ZBTB7C: variants seen among roughly 807,000 people sequenced by gnomAD.
ZBTB7C encodes zinc finger and BTB domain-containing protein 7C.
ZBTB7C carries 8 observed loss-of-function variants against 25.7 expected under a neutral mutation model. That is an observed-to-expected ratio of 0.31 (90% CI 0.18 to 0.56). The LOEUF (loss-of-function observed/expected upper bound fraction) is 0.56, where lower values mean the gene tolerates loss of function less well. Among genes scored for constraint, ZBTB7C ranks in the 20% least tolerant of loss-of-function variants. ZBTB7C has a pLI of 0.91. For missense variants in ZBTB7C, 824 were observed against 855.2 expected (o/e 0.96, Z 0.46); for synonymous variants, 394 against 369.0 (o/e 1.07, Z -0.78).
intron 3 of ZBTB7C, among the ~76,000 whole-genome samples, chr18:48,131,976 C>G (rs1227256732): frequency 6.6e-6 from 1 of 152,198 alleles, no homozygotes; most frequent in African/African-American, 2.4e-5. Context: ...AAAAAACATT[C>G]TGGTAGTTTC....
At chr18:48,228,747 T>TCACACACACACACA (rs55895960) in intron 2 of ZBTB7C, among the ~76,000 whole-genome samples, 4 of 141,066 alleles carry the variant, frequency 2.8e-5, no homozygotes, top group African/African-American at 1.1e-4. Context: ...TCTCTCTCTC[T>TCACACACACACACA]CACACACACA....
rs13381623 is a variant in ZBTB7C at position 48,121,414 on chromosome 18, A to T, written c.-17+64520T>A. Among the ~76,000 whole-genome samples the T allele has an allele frequency of 5.7e-3, 854 of 149,130 alleles. 3 individuals are homozygous for T. Among genetic ancestry groups the T allele is most frequent in the Middle Eastern group, 6.8e-3 (2 of 294 alleles). ...GCTTAATACTCTTTTTTTTTTTTTT[A>T]AAAAAATGCACTTACTGTACCAAAA... On this transcript the variant is annotated intron_variant, in intron 3 of 4. Transcript: ENST00000590800.
intron 3 of ZBTB7C, among the ~76,000 whole-genome samples, chr18:48,179,846 C>CTCCTTCCT (rs564139548): frequency 7.2e-6 from 1 of 139,622 alleles, no homozygotes; most frequent in African/African-American, 2.8e-5. Flanking sequence ...GAAGATATTT[C>CTCCTTCCT]TCCTTCCTTC....
intron 2 of ZBTB7C, among the ~76,000 whole-genome samples, chr18:48,206,196 G>C (rs1009992792): frequency 2.0e-5 from 3 of 152,150 alleles, no homozygotes; most frequent in Admixed American, 1.3e-4. Context: ...AACTTCTACT[G>C]TAAAGCTACA....
intron 1 of ZBTB7C, among the ~76,000 whole-genome samples, chr18:48,402,019 G>A (rs1256385084): frequency 6.6e-6 from 1 of 152,082 alleles, no homozygotes; most frequent in Non-Finnish European, 1.5e-5. Context: ...TGACCTCCAT[G>A]AACTTAACAA....
intron 3 of ZBTB7C, among the ~76,000 whole-genome samples, chr18:48,119,446 T>C (rs1297779015): frequency 6.6e-6 from 1 of 152,230 alleles, no homozygotes. Flanking sequence ...GTTCCACACA[T>C]TCCTTCCCCT....
At chr18:48,338,912 G>GC (rs958189109) in intron 1 of ZBTB7C, among the ~76,000 whole-genome samples, 55 of 49,978 alleles carry the variant, frequency 1.1e-3, no homozygotes, top group Admixed American at 2.4e-4. Context: ...GTAGTTTGTT[G>GC]GGGGGGGGGG....
intron 3 of ZBTB7C, among the ~76,000 whole-genome samples, chr18:48,086,095 A>G (rs1470264816): frequency 1.3e-5 from 2 of 152,198 alleles, no homozygotes; most frequent in African/African-American, 2.4e-5. Context: ...CACCTTCGTC[A>G]TGAAGGACAG....
chr18:48,348,541 G>C (rs2046791992), intron 1 of ZBTB7C, among the ~76,000 whole-genome samples: 1 of 152,222 alleles, frequency 6.6e-6, no homozygotes, highest in Admixed American at 6.5e-5. Flanking sequence ...TCCAGGCCAG[G>C]AGTGGTGGCT....
chr18:48,245,671 T>C (rs1011916686), intron 2 of ZBTB7C, among the ~76,000 whole-genome samples: 36 of 152,120 alleles, frequency 2.4e-4, no homozygotes, highest in Admixed American at 2.3e-3. Flanking sequence ...GGAACAATTT[T>C]AGATTCAGGA....
intron 3 of ZBTB7C, chr18:48,083,805 G>A: frequency 1.0e-6 from 1 of 981,994 alleles, no homozygotes; most frequent in Non-Finnish European, 1.2e-6. Context: ...TTCTGATTAT[G>A]AGGTTATAAA....
chr18:48,381,924 C>T (rs1254833158), intron 1 of ZBTB7C, among the ~76,000 whole-genome samples: 1 of 152,222 alleles, frequency 6.6e-6, no homozygotes, highest in African/African-American at 2.4e-5. Flanking sequence ...TCACATGCCA[C>T]TGACCAAGTG....
rs2042411429 is a variant in ZBTB7C at position 48,200,337 on chromosome 18, C to T, written c.-78-14342G>A. ...TAGTGACCCACACTCCATATTTTGCCTTGGTGAAGGGCCTGTGTGGCCGGT... is the reference window on the plus strand; with the variant it reads ...TAGTGACCCACACTCCATATTTTGCTTTGGTGAAGGGCCTGTGTGGCCGGT... On this transcript the variant is annotated intron_variant, in intron 2 of 4. Transcript: ENST00000590800. Among the ~76,000 whole-genome samples, 9 of 152,104 alleles carry T rather than the reference C, an allele frequency of 5.9e-5. 1 individual carries two copies. The South Asian group carries it at 1.9e-3, about 32-fold the overall frequency.
chr18:48,029,405 C>G lies in ZBTB7C; in HGVS notation c.1715G>C (p.Gly572Ala), dbSNP rs755323250. 1.9e-6 allele frequency: 3 copies of G among 1,570,056 alleles called. No homozygotes were observed. The highest frequency in any genetic ancestry group is 2.3e-5 in the South Asian group (2 of 86,876). Residue 572 changes from glycine to alanine, a missense_variant, in exon 5 of 5, where the codon GGC becomes GCC. Gly to Ala is a moderately conservative substitution (Grantham distance 60, BLOSUM62 0). Transcript: ENST00000590800. ...AQLEAERNAG[G>A]LLAFALAENV... ...CTCGGCCAGCGCGAAGGCCAGGAGG[C>G]CCCCCGCGTTCCTCTCAGCCTCCAG...
At chr18:48,100,082 C>T (rs116138224) in intron 3 of ZBTB7C, among the ~76,000 whole-genome samples, 17 of 152,296 alleles carry the variant, frequency 1.1e-4, no homozygotes, top group Non-Finnish European at 1.2e-4. Context: ...TCTCTGTCAA[C>T]GCCCCCTCTC....
chr18:48,181,457 C>T (rs913353650), intron 3 of ZBTB7C, among the ~76,000 whole-genome samples: 5 of 152,170 alleles, frequency 3.3e-5, no homozygotes, highest in Non-Finnish European at 7.3e-5. Flanking sequence ...CTGGGCTTTG[C>T]ACAAACATTG....
At position 48,112,271 on chromosome 18, in the gene ZBTB7C, T is replaced by C. The variant is rs551881210; in HGVS notation, c.-16-71148A>G. 2.2e-3 allele frequency among the ~76,000 whole-genome samples: 325 copies of C among 150,408 alleles called. 1 individual carries two copies. Among genetic ancestry groups the C allele is most frequent in the African/African-American group, 7.3e-3 (301 of 41,098 alleles). Reference sequence around the variant, plus strand: ...AGTTTAATTTTTTTCTTTTTTTTTTTTTTTTTTGCCTTCTCTCTCTCCCTC... The same window carrying C: ...AGTTTAATTTTTTTCTTTTTTTTTTCTTTTTTTGCCTTCTCTCTCTCCCTC... On this transcript the variant is annotated intron_variant, in intron 3 of 4. Transcript: ENST00000590800.
intron 1 of ZBTB7C, among the ~76,000 whole-genome samples, chr18:48,406,837 A>T (rs1031025150): frequency 8.5e-5 from 13 of 152,258 alleles, no homozygotes; most frequent in African/African-American, 3.1e-4. Flanking sequence ...TGTATATGAC[A>T]TTATAGACTG....
At chr18:48,271,955 C>T (rs1204663850) in intron 2 of ZBTB7C, among the ~76,000 whole-genome samples, 1 of 152,120 alleles carries the variant, frequency 6.6e-6, no homozygotes, top group Non-Finnish European at 1.5e-5. Context: ...AATTCAAAGT[C>T]CTATCCAGTG....
Sources: allele counts gnomAD v4.1 joint callset (sites outside exome capture counted in the v4.1 genomes callset), GRCh38; gene constraint gnomAD v4.1.1; transcripts MANE v1.5; gene names NCBI Gene and HGNC (gene_info 2026-07-23, HGNC 2026-07-21).